Variants in TLR8 observed in about 807,000 individuals in gnomAD.
The protein encoded by TLR8 is toll like receptor 8, also known as toll-like receptor 8.
TLR8 carries 5 observed loss-of-function variants against 18.5 expected under a neutral mutation model. The ratio of observed to expected loss-of-function variants is 0.27; its 90% CI spans 0.14 to 0.57. The LOEUF is 0.57. Among genes scored for constraint, TLR8 ranks in the 20% least tolerant of loss-of-function variants. The probability of loss-of-function intolerance (pLI) is 0.92; values close to 1 mark genes in which losing one functional copy is unlikely to be tolerated. For synonymous variants in TLR8, 299 were observed against 300.1 expected (o/e 1.00, Z 0.04); for missense variants, 543 against 769.8 (o/e 0.71, Z 3.49).
In TLR8 at chrX:12,922,373, G is replaced by C; in HGVS notation, c.*207G>C. The C allele has an allele frequency of 2.3e-6, 1 of 427,646 alleles. No individual in the cohort carries two copies. The highest frequency in any genetic ancestry group is 4.1e-5 in the South Asian group (1 of 24,409). 35.2% of individuals were successfully genotyped at this position (427,646 alleles called of 1,213,427 possible). On this transcript the variant is annotated 3_prime_UTR_variant, in exon 2 of 2. Coordinates refer to ENST00000218032, the MANE Select transcript of TLR8 (RefSeq NM_138636.5). ...AGGGTGTCTCAGAGGCTGCAATGTA[G>C]GTGTTCACCAGAGACATAGGCATCA...
At chrX:12,906,938 A>G (rs2042988868) in intron 1 of TLR8, among the ~76,000 whole-genome samples, 1 of 112,660 alleles carries the variant, frequency 8.9e-6, no homozygotes, top group Non-Finnish European at 1.9e-5. Flanking sequence ...TTTGAAAATC[A>G]AATGCAGTGA....
rs2043015884 is a variant in TLR8 at position 12,910,787 on chromosome X, C to G, written c.3+4078C>G. ...AGAGAGGCTGTTGTTGTTGTGCTGT[C>G]TGTTTCCTTCAGAATCTGCAGAAGA... On this transcript the variant is annotated intron_variant, in intron 1 of 1. Transcript: ENST00000218032. Among the ~76,000 whole-genome samples, 4 of 112,232 alleles carry G rather than the reference C, an allele frequency of 3.6e-5. No individual in the cohort carries two copies. The Admixed American group carries it at 3.8e-4, about 11-fold the overall frequency.
Position 12,919,902 on chromosome X carries a change from C to G in TLR8, c.862C>G (p.Gln288Glu), listed in dbSNP as rs1439585209. ...TCGTTTTGCTTTTCAAAACTTGACC[C>G]AACTTCGATACCTAAACCTCTCTAG... ...IDRFAFQNLT[Q>E]LRYLNLSSTS... Residue 288 changes from glutamine (Q) to glutamate (E), a missense_variant, in exon 2 of 2, where the codon CAA (glutamine) becomes GAA (glutamate). By Grantham distance (29) the Gln-to-Glu change is conservative. This residue lies in a region of TLR8 where 185 missense variants were observed against 298.9 expected (regional missense o/e 0.62). Transcript: ENST00000218032. 8.3e-7 allele frequency: 1 copy of G among 1,211,156 alleles called. No homozygotes were observed. The highest frequency in any genetic ancestry group is 3.0e-5 in the East Asian group (1 of 33,850).
At chrX:12,907,352 T>C (rs2042991629) in intron 1 of TLR8, among the ~76,000 whole-genome samples, 1 of 112,605 alleles carries the variant, frequency 8.9e-6, no homozygotes, top group Non-Finnish European at 1.9e-5. Flanking sequence ...GTTTTTGTTA[T>C]TGTCAAGAAC....
In TLR8 at chrX:12,920,960, T is replaced by C. The variant is rs2043089601; in HGVS notation, c.1920T>C (p.Asn640=). Residue 640 remains asparagine, a synonymous_variant, in exon 2 of 2, where the codon AAT becomes AAC. Coordinates refer to ENST00000218032, the MANE Select transcript of TLR8 (RefSeq NM_138636.5). ...TCTCCATTTTCAAAGGTCTCAAGAA[T>C]CTGACACGTCTGGATTTATCCCTTA... is the stretch of plus-strand genomic sequence containing the variant. ...RYISIFKGLK[N]LTRLDLSLNR... 8.3e-7 allele frequency: 1 copy of C among 1,211,149 alleles called. No individual in the cohort carries two copies. Among genetic ancestry groups the C allele is most frequent in the Admixed American group, 2.2e-5 (1 of 45,962 alleles).
chrX:12,914,738 A>C (rs1236099485), intron 1 of TLR8, among the ~76,000 whole-genome samples: 2 of 111,567 alleles, frequency 1.8e-5, no homozygotes, highest in African/African-American at 6.5e-5. Context: ...AACTCCCATC[A>C]TCTCATGACT....
intron 1 of TLR8, among the ~76,000 whole-genome samples, chrX:12,916,219 T>G (rs188371045): frequency 8.9e-6 from 1 of 112,043 alleles, no homozygotes; most frequent in Admixed American, 9.5e-5. Context: ...TACAGTGTCA[T>G]GCACTTCTTT....
intron 1 of TLR8, among the ~76,000 whole-genome samples, chrX:12,915,946 A>G (rs1261992355): frequency 9.3e-6 from 1 of 108,025 alleles, no homozygotes; most frequent in East Asian, 2.9e-4. Flanking sequence ...CAATGGTGTG[A>G]TCCTGGCTCA....
chrX:12,909,187 T>A (rs2043003991), intron 1 of TLR8, among the ~76,000 whole-genome samples: 1 of 112,255 alleles, frequency 8.9e-6, no homozygotes, highest in Non-Finnish European at 1.9e-5. Context: ...CTCAAGACCA[T>A]AGGACAAGCC....
intron 1 of TLR8, among the ~76,000 whole-genome samples, chrX:12,914,148 A>G (rs969743979): frequency 8.0e-5 from 9 of 111,862 alleles, no homozygotes; most frequent in Non-Finnish European, 1.1e-4. Context: ...TCAGTGAGCA[A>G]AAGACCATCC....
At position 12,920,277 on chromosome X, in the gene TLR8, CT is replaced by C; in HGVS notation, c.1241del (p.Phe414SerfsTer21). The C allele has an allele frequency of 2.5e-6, 3 of 1,207,177 alleles. No homozygotes were observed. The highest frequency in any genetic ancestry group is 2.2e-6 in the Non-Finnish European group (2 of 893,830). ...TTTTATTAAGCAAATCGATTTCAAA[CT>C]TTTCCAAAATTTCTCCAATCTGGAA... ...INFIKQIDFK[L>X]FQNFSNLEII... On this transcript the variant is annotated frameshift_variant, in exon 2 of 2. Transcript: ENST00000218032. LOFTEE classifies it low-confidence loss of function (END_TRUNC).
Position 12,922,076 on chromosome X carries a change from C to T in TLR8, c.3036C>T (p.Gly1012=). The T allele has an allele frequency of 8.3e-7, 1 of 1,211,363 alleles. No individual in the cohort carries two copies. Among genetic ancestry groups the T allele is most frequent in the South Asian group, 1.8e-5 (1 of 56,951 alleles). Residue 1012 remains glycine (G), a synonymous_variant, in exon 2 of 2, where the codon GGC becomes GGT. Transcript: ENST00000218032. ...LQWPDNPKAE[G]LFWQTLRNVV... is the part of the protein sequence containing the mutation. ...GGCCTGACAACCCGAAGGCAGAAGG[C>T]TTGTTTTGGCAAACTCTGAGAAATG...
chrX:12,919,675 C>T lies in TLR8; in HGVS notation c.635C>T (p.Ser212Phe), dbSNP rs1483141616. Reference protein sequence around the residue: ...NLELLSLSFNSLSHVPPKLPS... With the variant: ...NLELLSLSFNFLSHVPPKLPS... The stretch of plus-strand genomic sequence containing the variant: ...GAGTTGCTATCACTATCTTTCAATT[C>T]TCTTTCACACGTGCCACCCAAACTG... The change falls in exon 2 of 2, where the codon TCT (serine) becomes TTT (phenylalanine). Residue 212 changes from serine to phenylalanine, a missense_variant. Around this residue, in one of 4 missense-constraint regions of TLR8, gnomAD observed 185 missense variants for 298.9 expected, o/e 0.62. Coordinates refer to ENST00000218032, the MANE Select transcript of TLR8 (RefSeq NM_138636.5). The T allele has an allele frequency of 3.3e-6, 4 of 1,209,310 alleles. No individual in the cohort carries two copies. The highest frequency in any genetic ancestry group is 1.8e-5 in the African/African-American group (1 of 57,058).
chrX:12,911,401 C>G (rs1474896388), intron 1 of TLR8, among the ~76,000 whole-genome samples: 2 of 111,897 alleles, frequency 1.8e-5, no homozygotes, highest in African/African-American at 3.3e-5. Context: ...TTGATGCTCT[C>G]TGGCTTGCCG....
intron 1 of TLR8, chrX:12,910,360 C>A (rs1435040368): frequency 8.6e-7 from 1 of 1,166,934 alleles, no homozygotes; most frequent in East Asian, 3.2e-5. Flanking sequence ...CCCAGGAGAC[C>A]TTGAAGGAAG....
chrX:12,919,368 C>G lies in TLR8; in HGVS notation c.328C>G (p.Gln110Glu). 8.3e-7 allele frequency: 1 copy of G among 1,211,760 alleles called. No individual in the cohort carries two copies. The highest frequency in any genetic ancestry group is 1.8e-5 in the South Asian group (1 of 57,004). ...GCACCAGAACGGAAATCCCGGTATA[C>G]AATCAAATGGCTTGAATATCACAGA... Reference protein sequence around the residue: ...VQHQNGNPGIQSNGLNITDGA... With the variant: ...VQHQNGNPGIESNGLNITDGA... Residue 110 changes from glutamine (Q) to glutamate (E), a missense_variant, in exon 2 of 2, where the codon CAA (glutamine) becomes GAA (glutamate). Gln to Glu is a conservative substitution (Grantham distance 29, BLOSUM62 2). Around this residue, in one of 4 missense-constraint regions of TLR8, gnomAD observed 117 missense variants for 111.0 expected, o/e 1.05. Coordinates refer to ENST00000218032, the MANE Select transcript of TLR8 (RefSeq NM_138636.5).
In TLR8 at chrX:12,918,640, C is replaced by G. The variant is rs545781357; in HGVS notation, c.4-404C>G. On this transcript the variant is annotated intron_variant, in intron 1 of 1. Coordinates refer to ENST00000218032, the MANE Select transcript of TLR8 (RefSeq NM_138636.5). The stretch of plus-strand genomic sequence containing the variant: ...CCTCGACCTCAGGAGCTCAAGCCAT[C>G]CTCCCACTTCAGCCTCCCGAGTAGT... Among the ~76,000 whole-genome samples the G allele has an allele frequency of 5.4e-5, 6 of 111,144 alleles. No individual in the cohort carries two copies. In the South Asian group the frequency reaches 2.3e-3, roughly 42 times the overall value.
rs1432352403 is a variant in TLR8 at position 12,922,782 on chromosome X, T to G, written c.*616T>G. 3 of 112,048 alleles carry G rather than the reference T, an allele frequency of 2.7e-5. No individual in the cohort carries two copies. The highest frequency in any genetic ancestry group is 9.7e-5 in the African/African-American group (3 of 30,775). The allele number at this position is 112,048 out of a possible 1,213,427, so 9.2% of individuals were successfully genotyped here. ...TGCTATCTTGATGATAGATTGTGAA[T>G]ATCAGGAGGCAGGGATCACTGTGGA... On this transcript the variant is annotated 3_prime_UTR_variant, in exon 2 of 2. Transcript: ENST00000218032.
Position 12,922,352 on chromosome X carries a change from T to G in TLR8, c.*186T>G, listed in dbSNP as rs1451719416. 1.2e-5 allele frequency: 6 copies of G among 480,566 alleles called. No homozygotes were observed. The highest frequency in any genetic ancestry group is 2.0e-5 in the Non-Finnish European group (6 of 296,164). The allele number at this position is 480,566 out of a possible 1,213,427, so 39.6% of individuals were successfully genotyped here. On this transcript the variant is annotated 3_prime_UTR_variant, in exon 2 of 2. Transcript: ENST00000218032. ...GCATAACTGGGTCCTCTGCTCAGGG[T>G]GTCTCAGAGGCTGCAATGTAGGTGT...
Sources: allele counts gnomAD v4.1 joint callset (sites outside exome capture counted in the v4.1 genomes callset), GRCh38; gene constraint gnomAD v4.1.1; regional missense constraint gnomAD v4.1.1; transcripts MANE v1.5; gene names NCBI Gene and HGNC (gene_info 2026-07-23, HGNC 2026-07-21).